GRM3: variants seen among roughly 807,000 people sequenced by gnomAD.
GRM3 encodes glutamate metabotropic receptor 3.
A neutral mutation model predicts 70.5 loss-of-function variants in GRM3; 26 were observed. That is an observed-to-expected ratio of 0.37 (90% CI 0.27 to 0.51). The LOEUF (loss-of-function observed/expected upper bound fraction) is 0.51. GRM3 is among the 20% of genes least tolerant of loss of function. The probability of loss-of-function intolerance (pLI) is 0.93; values close to 1 mark genes in which losing one functional copy is unlikely to be tolerated. For synonymous variants in GRM3, 443 were observed against 434.9 expected (o/e 1.02, Z -0.23); for missense variants, 859 against 1,123.8 (o/e 0.76, Z 3.37).
chr7:86,659,234 T>G (rs1793829273), intron 1 of GRM3, among the ~76,000 whole-genome samples: 1 of 152,278 alleles, frequency 6.6e-6, no homozygotes, highest in East Asian at 1.9e-4. Flanking sequence ...TTTCTCAAAA[T>G]GAATGCGGTT....
chr7:86,786,922 T>A lies in GRM3; in HGVS notation c.1130T>A (p.Leu377Gln). The change falls in exon 3 of 6, where the codon CTG becomes CAG. Residue 377 changes from leucine to glutamine, a missense_variant. By Grantham distance (113) the Leu-to-Gln change is moderately radical. Coordinates refer to ENST00000361669, the MANE Select transcript of GRM3 (RefSeq NM_000840.3). This position sits in a 1 kb window ranked among gnomAD's most constrained non-coding sequence, Gnocchi z 6.0. ...RNHRRVCDKHLAIDSSNYEQE... is the reference protein window; with the variant it reads ...RNHRRVCDKHQAIDSSNYEQE... Reference sequence around the variant, plus strand: ...CACAGGCGCGTCTGCGACAAGCACCTGGCCATCGACAGCAGCAACTACGAG... The same window carrying A: ...CACAGGCGCGTCTGCGACAAGCACCAGGCCATCGACAGCAGCAACTACGAG... 6.2e-7 allele frequency: 1 copy of A among 1,614,200 alleles called. No individual in the cohort carries two copies. The highest frequency in any genetic ancestry group is 8.5e-7 in the Non-Finnish European group (1 of 1,180,004).
At chr7:86,723,240 G>A (rs568671105) in intron 1 of GRM3, among the ~76,000 whole-genome samples, 9 of 151,622 alleles carry the variant, frequency 5.9e-5, no homozygotes, top group Non-Finnish European at 1.2e-4. Flanking sequence ...AAAAAATATA[G>A]AATATAGCTC....
intron 1 of GRM3, among the ~76,000 whole-genome samples, chr7:86,673,660 A>AT (rs1250712069): frequency 1.3e-5 from 2 of 151,834 alleles, no homozygotes; most frequent in Non-Finnish European, 2.9e-5. Flanking sequence ...CTTAATCCCT[A>AT]TCTCCTCATT....
intron 3 of GRM3, among the ~76,000 whole-genome samples, chr7:86,793,058 G>A (rs1490217756): frequency 7.8e-6 from 1 of 128,534 alleles, no homozygotes; most frequent in African/African-American, 3.0e-5. Flanking sequence ...TGAAGAGACA[G>A]ACTACTGGGA....
chr7:86,704,070 TA>T (rs1415565263), intron 1 of GRM3, among the ~76,000 whole-genome samples: 5 of 151,962 alleles, frequency 3.3e-5, no homozygotes, highest in African/African-American at 1.2e-4. Flanking sequence ...TGAAGTTTTT[TA>T]TGTATTCCCT....
intron 1 of GRM3, among the ~76,000 whole-genome samples, chr7:86,714,241 C>G (rs944046993): frequency 6.6e-6 from 1 of 151,986 alleles, no homozygotes; most frequent in Non-Finnish European, 1.5e-5. Flanking sequence ...GGCTCTGCCT[C>G]TAAGGAGACC....
At chr7:86,774,942 A>T (rs967250159) in intron 2 of GRM3, 1 of 152,144 alleles carries the variant, frequency 6.6e-6, no homozygotes, top group African/African-American at 2.4e-5. Context: ...AAGTAGTTTT[A>T]AGAAAGATTA....
intron 1 of GRM3, among the ~76,000 whole-genome samples, chr7:86,693,811 A>AG: frequency 6.6e-6 from 1 of 152,238 alleles, no homozygotes; most frequent in Admixed American, 6.5e-5. Context: ...ATACTGTGTT[A>AG]GATCTGGAAG....
intron 3 of GRM3, among the ~76,000 whole-genome samples, chr7:86,808,414 A>G (rs922136079): frequency 6.6e-6 from 1 of 152,010 alleles, no homozygotes; most frequent in East Asian, 1.9e-4. Flanking sequence ...ACCTTTTTAC[A>G]TAAGTCCCAG....
At position 86,746,344 on chromosome 7, in the gene GRM3, TATATATA is replaced by T. The variant is rs1562846603; in HGVS notation, c.-140-18661_-140-18655del. On this transcript the variant is annotated intron_variant, in intron 1 of 5. Coordinates refer to ENST00000361669, the MANE Select transcript of GRM3 (RefSeq NM_000840.3). The stretch of plus-strand genomic sequence containing the variant: ...CTAATAGAGGGTCAGTCATGTATTA[TATATATA>T]TATATATATATATATATATATATAA... 8.3e-3 allele frequency among the ~76,000 whole-genome samples: 431 copies of T among 51,994 alleles called. 21 individuals are homozygous for T. The highest frequency in any genetic ancestry group is 0.018 in the African/African-American group (397 of 21,916). 34.1% of individuals were successfully genotyped at this position (51,994 alleles called of 152,430 possible).
chr7:86,813,303 T>C (rs956902454), intron 3 of GRM3, among the ~76,000 whole-genome samples: 1 of 151,726 alleles, frequency 6.6e-6, no homozygotes, highest in South Asian at 2.1e-4. Context: ...AAAACACTTT[T>C]CCAGCTTCAT....
chr7:86,662,833 C>A (rs990088497), intron 1 of GRM3, among the ~76,000 whole-genome samples: 1 of 151,874 alleles, frequency 6.6e-6, no homozygotes, highest in Non-Finnish European at 1.5e-5. Context: ...GCATACCTAA[C>A]CCCAAATACT....
intron 1 of GRM3, among the ~76,000 whole-genome samples, chr7:86,716,591 A>G (rs1007031042): frequency 1.3e-5 from 2 of 151,846 alleles, no homozygotes; most frequent in African/African-American, 4.8e-5. Flanking sequence ...GAGTGAGCAC[A>G]TATGCAGGTA....
intron 1 of GRM3, among the ~76,000 whole-genome samples, chr7:86,681,082 T>A (rs1794430151): frequency 6.6e-6 from 1 of 152,140 alleles, no homozygotes; most frequent in Non-Finnish European, 1.5e-5. Flanking sequence ...GTAAATAGGA[T>A]GATTTTCTTC....
At chr7:86,677,550 A>G (rs954892744) in intron 1 of GRM3, among the ~76,000 whole-genome samples, 2 of 152,040 alleles carry the variant, frequency 1.3e-5, no homozygotes, top group African/African-American at 2.4e-5. Flanking sequence ...AAGCCCAAAG[A>G]AAAGTAACAT....
intron 1 of GRM3, among the ~76,000 whole-genome samples, chr7:86,695,729 G>A (rs1794799931): frequency 6.6e-6 from 1 of 152,120 alleles, no homozygotes; most frequent in Admixed American, 6.6e-5. Flanking sequence ...TATTAAAGGA[G>A]ATAAAGTGTT....
chr7:86,854,016 T>C lies in GRM3; in HGVS notation c.2566+3472T>C, dbSNP rs772348746. ...GAAACTGGCTTGGCCAGGAAACTGG[T>C]ATAGCATAATTGGTACCATACTTAT... On this transcript the variant is annotated intron_variant, in intron 5 of 5. Transcript: ENST00000361669. Among the ~76,000 whole-genome samples, 34 of 152,316 alleles carry C rather than the reference T, an allele frequency of 2.2e-4. No homozygotes were observed. In the South Asian group the frequency reaches 2.9e-3, roughly 13 times the overall value.
At chr7:86,783,877 T>C (rs906213254) in intron 2 of GRM3, among the ~76,000 whole-genome samples, 1 of 152,220 alleles carries the variant, frequency 6.6e-6, no homozygotes, top group Non-Finnish European at 1.5e-5. Context: ...GGTGATACAA[T>C]TGAGATAATA....
chr7:86,769,177 C>A (rs1444996639), intron 2 of GRM3, among the ~76,000 whole-genome samples: 1 of 152,024 alleles, frequency 6.6e-6, no homozygotes, highest in Non-Finnish European at 1.5e-5. Flanking sequence ...TGTGTGGTAA[C>A]CGTGGTGACA....
Sources: allele counts gnomAD v4.1 joint callset (sites outside exome capture counted in the v4.1 genomes callset), GRCh38; gene constraint gnomAD v4.1.1; non-coding constraint Gnocchi (gnomAD v3.1); transcripts MANE v1.5; gene names NCBI Gene and HGNC (gene_info 2026-07-23, HGNC 2026-07-21).